MBOAT1: variants seen among roughly 807,000 people sequenced by gnomAD.
The protein encoded by MBOAT1 is membrane-bound glycerophospholipid O-acyltransferase 1.
A neutral mutation model predicts 64.4 loss-of-function variants in MBOAT1; 67 were observed. That is an observed-to-expected ratio of 1.04 (90% CI 0.85 to 1.27). The LOEUF (loss-of-function observed/expected upper bound fraction) is 1.27. Among genes scored for constraint, MBOAT1 ranks in the 50% most tolerant of loss-of-function variants. MBOAT1 has a pLI of 0.00. For missense variants in MBOAT1, 563 were observed against 604.6 expected, an observed-to-expected ratio of 0.93 and a Z score of 0.72; for synonymous variants, 229 against 218.9, an observed-to-expected ratio of 1.05 and a Z score of -0.41.
chr6:20,176,928 A>G (rs1355337991), intron 1 of MBOAT1, among the ~76,000 whole-genome samples: 2 of 152,124 alleles, frequency 1.3e-5, no homozygotes, highest in East Asian at 3.9e-4. Flanking sequence ...CCAGCCTACT[A>G]TTCATTTTTA....
In MBOAT1 at chr6:20,128,713, ATGT is replaced by A. The variant is rs1760731064; in HGVS notation, c.513_515del (p.Gln171del). The A allele has an allele frequency of 6.2e-7, 1 of 1,610,562 alleles. No individual in the cohort carries two copies. Among genetic ancestry groups the A allele is most frequent in the African/African-American group, 1.3e-5 (1 of 74,810 alleles). Reference sequence around the variant, plus strand: ...ACTTCACTTACTTGATAGCAAGTCGATGTTGTTCAGCAGAAAGGTCTTCAGCTC... The same window carrying A: ...ACTTCACTTACTTGATAGCAAGTCGATGTTCAGCAGAAAGGTCTTCAGCTC... On this transcript the variant is annotated inframe_deletion, in exon 6 of 13. Coordinates refer to ENST00000324607, the MANE Select transcript of MBOAT1 (RefSeq NM_001080480.3).
chr6:20,113,231 G>T (rs1447533908), intron 10 of MBOAT1, among the ~76,000 whole-genome samples: 1 of 152,146 alleles, frequency 6.6e-6, no homozygotes, highest in Non-Finnish European at 1.5e-5. Context: ...CCTTTTGAGG[G>T]GATGTTATAC....
chr6:20,132,174 C>G (rs1308650303), intron 4 of MBOAT1, among the ~76,000 whole-genome samples: 1 of 152,162 alleles, frequency 6.6e-6, no homozygotes, highest in Non-Finnish European at 1.5e-5. Flanking sequence ...AGCAACCATG[C>G]CCACCTAAGA....
intron 3 of MBOAT1, among the ~76,000 whole-genome samples, chr6:20,148,187 AG>A (rs1761382322): frequency 1.3e-5 from 2 of 152,224 alleles, no homozygotes; most frequent in African/African-American, 4.8e-5. Context: ...TGGGAAGCCG[AG>A]GCAGGCAAAT....
intron 1 of MBOAT1, among the ~76,000 whole-genome samples, chr6:20,176,086 CCAG>C (rs1486507389): frequency 1.3e-5 from 2 of 152,078 alleles, no homozygotes; most frequent in Non-Finnish European, 2.9e-5. Flanking sequence ...GAGTTCAAGA[CCAG>C]CCTGGGCAAC....
In MBOAT1 at chr6:20,124,579, C is replaced by T. The variant is rs1279014402; in HGVS notation, c.736G>A (p.Gly246Ser). 4.3e-6 allele frequency: 7 copies of T among 1,614,064 alleles called. No individual in the cohort carries two copies. The highest frequency in any genetic ancestry group is 5.9e-6 in the Non-Finnish European group (7 of 1,179,964). Residue 246 changes from glycine (G) to serine (S), a missense_variant, in exon 8 of 13, where the codon GGC becomes AGC. By Grantham distance (56) the Gly-to-Ser change is moderately conservative (BLOSUM62 0). Transcript: ENST00000324607. The stretch of plus-strand genomic sequence containing the variant: ...AAAAGGAGAGACACCAAGGTGATGC[C>T]CAACTTGTGTATCACAGCTCCCTGA... ...SPTGAVIHKL[G>S]ITLVSLLLFL...
At chr6:20,104,651 G>T (rs1759898316) in intron 12 of MBOAT1, among the ~76,000 whole-genome samples, 1 of 152,208 alleles carries the variant, frequency 6.6e-6, no homozygotes, top group African/African-American at 2.4e-5. Context: ...GGAAAATAAT[G>T]TTGGGAGGGA....
At chr6:20,145,304 C>T (rs1176394049) in intron 3 of MBOAT1, among the ~76,000 whole-genome samples, 1 of 152,162 alleles carries the variant, frequency 6.6e-6, no homozygotes, top group Non-Finnish European at 1.5e-5. Context: ...CCAGAACATG[C>T]TGGAACCCTG....
chr6:20,200,666 C>T (rs1763096051), intron 1 of MBOAT1, among the ~76,000 whole-genome samples: 1 of 152,136 alleles, frequency 6.6e-6, no homozygotes, highest in African/African-American at 2.4e-5. Context: ...CCTCATGGGT[C>T]CCACTGTAAG....
chr6:20,112,729 G>T, intron 11 of MBOAT1, 147 bp downstream of exon 11: 1 of 812,068 alleles, frequency 1.2e-6, no homozygotes. Flanking sequence ...TTCTCTAATG[G>T]GAAGACTCTT....
intron 1 of MBOAT1, among the ~76,000 whole-genome samples, chr6:20,202,170 A>T (rs961061041): frequency 1.1e-4 from 17 of 152,218 alleles, no homozygotes; most frequent in Admixed American, 9.2e-4. Context: ...ATCTGTTTCA[A>T]GTCAGCCACA....
At chr6:20,112,790 C>A in intron 11 of MBOAT1, 86 bp downstream of exon 11, 1 of 1,455,978 alleles carries the variant, frequency 6.9e-7, no homozygotes, top group South Asian at 1.4e-5. Flanking sequence ...CATCCCACCC[C>A]CAACCCCTAC....
At position 20,151,173 on chromosome 6, in the gene MBOAT1, C is replaced by A; in HGVS notation, c.323+12G>T. ...AAATCTCACCTTGCATTGTTCATTC[C>A]CAGTATCTTACCTGTGAATATTGGA... On this transcript the variant is annotated intron_variant, in intron 3 of 12. Coordinates refer to ENST00000324607, the MANE Select transcript of MBOAT1 (RefSeq NM_001080480.3). The A allele has an allele frequency of 6.3e-7, 1 of 1,577,714 alleles. No individual in the cohort carries two copies.
intron 1 of MBOAT1, among the ~76,000 whole-genome samples, chr6:20,186,329 G>A (rs561148984): frequency 3.3e-5 from 5 of 152,298 alleles, no homozygotes; most frequent in East Asian, 1.9e-4. Context: ...GCTTATGTGC[G>A]CCATCTCCAA....
At chr6:20,168,601 GAGAAGAGAAGAGA>G in intron 1 of MBOAT1, among the ~76,000 whole-genome samples, 1 of 7,962 alleles carries the variant, frequency 1.3e-4, no homozygotes. Flanking sequence ...GAGAGAAAGA[GAGAAGAGAAGAGA>G]AGAGAAGAGA....
At chr6:20,168,518 G>A (rs969818765) in intron 1 of MBOAT1, among the ~76,000 whole-genome samples, 25 of 115,992 alleles carry the variant, frequency 2.2e-4, no homozygotes, top group South Asian at 7.9e-4. Flanking sequence ...GAGAGGAGAG[G>A]AGAGGAGAGA....
chr6:20,172,203 G>T (rs1420841899), intron 1 of MBOAT1, among the ~76,000 whole-genome samples: 1 of 152,152 alleles, frequency 6.6e-6, no homozygotes, highest in Admixed American at 6.5e-5. Flanking sequence ...GGGAGGCTGA[G>T]GCAGGCGGAT....
chr6:20,197,656 A>T (rs1762995667), intron 1 of MBOAT1, among the ~76,000 whole-genome samples: 1 of 152,172 alleles, frequency 6.6e-6, no homozygotes, highest in Non-Finnish European at 1.5e-5. Flanking sequence ...GAGTTGTCCC[A>T]CCTTTTAGGA....
At chr6:20,168,206 T>C (rs1762065170) in intron 1 of MBOAT1, among the ~76,000 whole-genome samples, 1 of 152,156 alleles carries the variant, frequency 6.6e-6, no homozygotes, top group Admixed American at 6.5e-5. Context: ...TTCTTAGACA[T>C]ACACATTTGA....
Sources: gnomAD v4.1 joint callset for allele counts (sites outside exome capture counted in the v4.1 genomes callset) on GRCh38, gnomAD v4.1.1 for gene constraint, MANE v1.5 for transcripts, NCBI Gene and HGNC (gene_info 2026-07-23, HGNC 2026-07-21) for gene names.